SERGEF: variants seen among roughly 807,000 people sequenced by gnomAD.
The protein encoded by SERGEF is secretion regulating guanine nucleotide exchange factor.
A neutral mutation model predicts 50.0 loss-of-function variants in SERGEF; 51 were observed. The ratio of observed to expected loss-of-function variants is 1.02; its 90% confidence interval spans 0.81 to 1.29. The LOEUF is 1.29. Ranked by LOEUF, SERGEF falls within the 50% of genes most tolerant of loss-of-function variation. The pLI is 0.00. For synonymous variants in SERGEF, 205 were observed against 212.4 expected, an observed-to-expected ratio of 0.97 and a Z score of 0.30; for missense variants, 521 against 557.0, an observed-to-expected ratio of 0.94 and a Z score of 0.65.
intron 9 of SERGEF, among the ~76,000 whole-genome samples, chr11:17,885,974 C>T (rs1019827655): frequency 6.6e-6 from 1 of 152,148 alleles, no homozygotes; most frequent in Non-Finnish European, 1.5e-5. Context: ...CTTTTAACAG[C>T]TTGGACACGA....
chr11:17,963,198 A>C (rs1426577986), intron 8 of SERGEF, among the ~76,000 whole-genome samples: 1 of 147,916 alleles, frequency 6.8e-6, no homozygotes, highest in African/African-American at 2.5e-5. Context: ...AAAAAAAAAA[A>C]AAAAAAAAGT....
rs572792654 is a variant in SERGEF at position 17,977,332 on chromosome 11, T to C, written c.844+11265A>G. On this transcript the variant is annotated intron_variant, in intron 8 of 10. Coordinates refer to ENST00000265965, the MANE Select transcript of SERGEF (RefSeq NM_012139.4). ...GAGGTGACATTTGGACAAGAACCAA[T>C]GGAAGTGAGGCAGTAGCTATGCAGG... 9.2e-5 allele frequency among the ~76,000 whole-genome samples: 14 copies of C among 152,062 alleles called. 1 individual carries two copies. The South Asian group carries it at 2.9e-3, about 32-fold the overall frequency.
chr11:17,793,019 C>T (rs770715491), intron 10 of SERGEF, among the ~76,000 whole-genome samples: 5 of 152,294 alleles, frequency 3.3e-5, no homozygotes, highest in East Asian at 1.9e-4. Context: ...CTATGGACTA[C>T]GCTATGCTGT....
intron 9 of SERGEF, among the ~76,000 whole-genome samples, chr11:17,957,413 G>C (rs964708292): frequency 3.4e-4 from 52 of 152,074 alleles, no homozygotes; most frequent in Admixed American, 2.0e-4. Flanking sequence ...AATAGAACTA[G>C]AGACTCGGAA....
chr11:17,925,139 G>C (rs1302000919), intron 9 of SERGEF, among the ~76,000 whole-genome samples: 7 of 151,990 alleles, frequency 4.6e-5, no homozygotes, highest in Non-Finnish European at 7.4e-5. Context: ...TATTTAATTT[G>C]TTCTTAAAGA....
intron 9 of SERGEF, among the ~76,000 whole-genome samples, chr11:17,917,283 G>A (rs1590196293): frequency 6.6e-6 from 1 of 152,298 alleles, no homozygotes; most frequent in African/African-American, 2.4e-5. Context: ...GAATGGGATT[G>A]GAGACTATTA....
At chr11:17,941,599 T>G (rs1237638978) in intron 9 of SERGEF, among the ~76,000 whole-genome samples, 1 of 152,246 alleles carries the variant, frequency 6.6e-6, no homozygotes, top group Non-Finnish European at 1.5e-5. Flanking sequence ...TACATGGGTA[T>G]GCATATATAT....
In SERGEF at chr11:17,884,264, C is replaced by G. The variant is rs1851389390; in HGVS notation, c.1012-6020G>C. Among the ~76,000 whole-genome samples the G allele has an allele frequency of 6.6e-6, 1 of 152,182 alleles. No individual in the cohort carries two copies. The highest frequency in any genetic ancestry group is 1.5e-5 in the Non-Finnish European group (1 of 68,026). ...GGGAGTAACGGGGTTTAGGTTGGTA[C>G]GGTACTGGGTTATGCTCTGTGCCGC... On this transcript the variant is annotated intron_variant, in intron 9 of 10. Transcript: ENST00000265965. The surrounding 1 kb of genome is among the most constrained non-coding windows in gnomAD (Gnocchi z 4.6).
chr11:17,928,089 C>T (rs755278274), intron 9 of SERGEF, among the ~76,000 whole-genome samples: 16 of 152,202 alleles, frequency 1.1e-4, no homozygotes, highest in Non-Finnish European at 1.9e-4. Context: ...TAATTATGCA[C>T]GGAAGTCTAA....
intron 9 of SERGEF, among the ~76,000 whole-genome samples, chr11:17,903,984 A>C (rs1004076171): frequency 6.6e-6 from 1 of 152,236 alleles, no homozygotes; most frequent in African/African-American, 2.4e-5. Context: ...AGGCATCACC[A>C]CAAGTGCCAG....
At chr11:17,843,088 A>G (rs1325038440) in intron 10 of SERGEF, among the ~76,000 whole-genome samples, 1 of 152,228 alleles carries the variant, frequency 6.6e-6, no homozygotes, top group Non-Finnish European at 1.5e-5. Flanking sequence ...ACAGAAACAG[A>G]GAGAACAGGC....
chr11:17,799,182 A>G (rs528121225), intron 10 of SERGEF, among the ~76,000 whole-genome samples: 3 of 152,060 alleles, frequency 2.0e-5, no homozygotes, highest in Non-Finnish European at 4.4e-5. Flanking sequence ...GAAGTATGGT[A>G]CCCAGAGCTG....
At chr11:17,999,646 C>A in intron 5 of SERGEF, 1 of 442,320 alleles carries the variant, frequency 2.3e-6, no homozygotes, top group Non-Finnish European at 4.5e-6. Flanking sequence ...CTCCCACACG[C>A]CACCTCCCTG....
chr11:17,797,747 C>T (rs562969018), intron 10 of SERGEF, among the ~76,000 whole-genome samples: 1 of 152,300 alleles, frequency 6.6e-6, no homozygotes, highest in East Asian at 1.9e-4. Flanking sequence ...GAATGAATGG[C>T]AGTGAGAGAA....
At chr11:17,867,282 T>C (rs973706129) in intron 10 of SERGEF, among the ~76,000 whole-genome samples, 4 of 152,236 alleles carry the variant, frequency 2.6e-5, no homozygotes, top group African/African-American at 9.6e-5. Context: ...TGGGTAAATA[T>C]AGCCATTCAA....
chr11:17,858,697 T>G (rs2133880312), intron 10 of SERGEF, among the ~76,000 whole-genome samples: 1 of 152,158 alleles, frequency 6.6e-6, no homozygotes, highest in East Asian at 1.9e-4. Context: ...CACATCAAAC[T>G]GGACAGCAGG....
At chr11:18,012,800 T>A in intron 1 of SERGEF, 151 bp downstream of exon 1, 10 of 845,888 alleles carry the variant, frequency 1.2e-5, no homozygotes, top group African/African-American at 1.9e-5. Flanking sequence ...CCTCCTCCGC[T>A]CCCCCTCCGC....
At chr11:17,808,572 A>G (rs915777181) in intron 10 of SERGEF, among the ~76,000 whole-genome samples, 3 of 152,196 alleles carry the variant, frequency 2.0e-5, no homozygotes, top group Non-Finnish European at 4.4e-5. Flanking sequence ...CCAACATTGG[A>G]AATCACATTT....
chr11:17,869,295 T>C (rs1851091512), intron 10 of SERGEF, among the ~76,000 whole-genome samples: 1 of 151,954 alleles, frequency 6.6e-6, no homozygotes, highest in Admixed American at 6.6e-5. Context: ...AAACAGAAGA[T>C]AAAAAGCTGG....
Sources: gnomAD v4.1 joint callset for allele counts (sites outside exome capture counted in the v4.1 genomes callset) on GRCh38, gnomAD v4.1.1 for gene constraint, Gnocchi (gnomAD v3.1) non-coding constraint, MANE v1.5 for transcripts, NCBI Gene and HGNC (gene_info 2026-07-23, HGNC 2026-07-21) for gene names.